The following SPAG16 variants were observed in gnomAD, a reference collection of about 807,000 sequenced individuals.
SPAG16 encodes the protein sperm-associated antigen 16 protein.
In SPAG16, 86 loss-of-function variants were observed where a neutral mutation model predicts 80.4. That is an observed-to-expected ratio of 1.07 (90% CI 0.90 to 1.28). The LOEUF (loss-of-function observed/expected upper bound fraction) is 1.28. SPAG16 is among the 50% of genes most tolerant of loss of function. SPAG16 has a pLI of 0.00. For synonymous variants in SPAG16, 294 were observed against 265.9 expected (o/e 1.11, Z -1.03); for missense variants, 870 against 765.3 (o/e 1.14, Z -1.61).
intron 10 of SPAG16, among the ~76,000 whole-genome samples, chr2:213,588,727 G>A (rs1290312308): frequency 2.0e-4 from 28 of 141,682 alleles, no homozygotes; most frequent in Non-Finnish European, 3.2e-4. Flanking sequence ...GCGTGAACCC[G>A]GGAAGCAGAG....
intron 10 of SPAG16, among the ~76,000 whole-genome samples, chr2:213,516,356 T>C (rs1575808936): frequency 6.6e-6 from 1 of 152,144 alleles, no homozygotes; most frequent in East Asian, 1.9e-4. Flanking sequence ...TACTAACATC[T>C]GATAACAAAA....
chr2:213,993,581 G>A (rs952247644), intron 12 of SPAG16, among the ~76,000 whole-genome samples: 1 of 152,042 alleles, frequency 6.6e-6, no homozygotes, highest in Non-Finnish European at 1.5e-5. Flanking sequence ...CAACTTTAAG[G>A]GGAAGAAATA....
At chr2:213,695,229 A>G (rs2065109461) in intron 10 of SPAG16, among the ~76,000 whole-genome samples, 1 of 152,146 alleles carries the variant, frequency 6.6e-6, no homozygotes, top group Non-Finnish European at 1.5e-5. Flanking sequence ...CTCCGACTGC[A>G]ACTTTTTCTT....
chr2:213,618,800 C>T (rs1027461387), intron 10 of SPAG16, among the ~76,000 whole-genome samples: 4 of 151,676 alleles, frequency 2.6e-5, no homozygotes, highest in African/African-American at 9.7e-5. Context: ...CCTTAAAACA[C>T]TCCATGATTT....
intron 3 of SPAG16, 88 bp from the exon 4 acceptor site, chr2:213,309,970 TG>T: frequency 1.3e-6 from 1 of 765,298 alleles, no homozygotes; most frequent in Non-Finnish European, 2.1e-6. Flanking sequence ...AAAAAATGAA[TG>T]GATGAATGAA....
At chr2:214,259,855 G>C (rs911658427) in intron 15 of SPAG16, among the ~76,000 whole-genome samples, 1 of 152,136 alleles carries the variant, frequency 6.6e-6, no homozygotes, top group African/African-American at 2.4e-5. Flanking sequence ...TCTACATAGA[G>C]AGCCAGATCA....
intron 10 of SPAG16, among the ~76,000 whole-genome samples, chr2:213,813,422 C>T (rs2072302757): frequency 6.6e-6 from 1 of 152,168 alleles, no homozygotes; most frequent in African/African-American, 2.4e-5. Flanking sequence ...CAGATTTCCA[C>T]CATGTGCTCA....
At chr2:214,257,741 A>C (rs1458783203) in intron 15 of SPAG16, among the ~76,000 whole-genome samples, 1 of 152,138 alleles carries the variant, frequency 6.6e-6, no homozygotes, top group African/African-American at 2.4e-5. Flanking sequence ...TAATTTAACA[A>C]TAATATTTTC....
intron 15 of SPAG16, among the ~76,000 whole-genome samples, chr2:214,320,797 G>A (rs969250601): frequency 1.1e-4 from 16 of 152,174 alleles, no homozygotes; most frequent in African/African-American, 3.9e-4. Context: ...AGATTATGTG[G>A]ATGACAATTC....
intron 10 of SPAG16, among the ~76,000 whole-genome samples, chr2:213,761,549 AC>A (rs2068656478): frequency 6.6e-6 from 1 of 152,192 alleles, no homozygotes; most frequent in Admixed American, 6.5e-5. Flanking sequence ...GATTCAAGTA[AC>A]AAAGTCAGAA....
intron 10 of SPAG16, among the ~76,000 whole-genome samples, chr2:213,534,410 A>T (rs779651791): frequency 1.4e-4 from 21 of 152,158 alleles, no homozygotes; most frequent in Non-Finnish European, 2.8e-4. Flanking sequence ...AATTGAAAAC[A>T]TATGCCCACA....
At chr2:213,703,340 C>T (rs1041333090) in intron 10 of SPAG16, among the ~76,000 whole-genome samples, 4 of 152,292 alleles carry the variant, frequency 2.6e-5, no homozygotes, top group Non-Finnish European at 5.9e-5. Context: ...TTTCCTTTTT[C>T]ATGTTCTCAC....
chr2:213,461,199 A>G (rs1173939803), intron 9 of SPAG16, among the ~76,000 whole-genome samples: 3 of 152,172 alleles, frequency 2.0e-5, no homozygotes, highest in African/African-American at 7.2e-5. Context: ...GGACTATGCA[A>G]TGACACAATT....
chr2:214,258,247 C>G lies in SPAG16; in HGVS notation c.1720+108981C>G, dbSNP rs1457239970. On this transcript the variant is annotated intron_variant, in intron 15 of 15. Coordinates refer to ENST00000331683, the MANE Select transcript of SPAG16 (RefSeq NM_024532.5). ...AGTCTTTTATTCCTCACCCCCCTCC[C>G]ACTCTTCTTCCCGAGTCCCCAAATT... Among the ~76,000 whole-genome samples the G allele has an allele frequency of 3.3e-5, 5 of 151,658 alleles. No individual in the cohort carries two copies. The South Asian group carries it at 1.0e-3, about 31-fold the overall frequency.
intron 10 of SPAG16, among the ~76,000 whole-genome samples, chr2:213,665,677 T>G (rs947996629): frequency 6.6e-6 from 1 of 152,184 alleles, no homozygotes; most frequent in African/African-American, 2.4e-5. Context: ...AACCTTGTTT[T>G]ATGTGTGTTT....
chr2:213,580,742 G>A (rs1334756147), intron 10 of SPAG16, among the ~76,000 whole-genome samples: 2 of 151,968 alleles, frequency 1.3e-5, no homozygotes, highest in Non-Finnish European at 2.9e-5. Flanking sequence ...ATGAGTATAT[G>A]GATGATATAT....
chr2:213,599,979 C>T (rs761484008), intron 10 of SPAG16, among the ~76,000 whole-genome samples: 1 of 152,178 alleles, frequency 6.6e-6, no homozygotes, highest in African/African-American at 2.4e-5. Flanking sequence ...AGCCGCTGCG[C>T]CTGGCCTATT....
chr2:214,069,595 G>A (rs1211385152), intron 13 of SPAG16, among the ~76,000 whole-genome samples: 2 of 152,048 alleles, frequency 1.3e-5, no homozygotes, highest in Admixed American at 1.3e-4. Flanking sequence ...CCTCATTCCA[G>A]TGCCAACCTA....
intron 10 of SPAG16, among the ~76,000 whole-genome samples, chr2:213,566,883 A>T (rs1373442722): frequency 6.6e-6 from 1 of 152,234 alleles, no homozygotes; most frequent in East Asian, 1.9e-4. Context: ...AGATTGTGAC[A>T]CCAAATATAA....
Sources: allele counts gnomAD v4.1 joint callset (sites outside exome capture counted in the v4.1 genomes callset), GRCh38; gene constraint gnomAD v4.1.1; transcripts MANE v1.5; gene names NCBI Gene and HGNC (gene_info 2026-07-23, HGNC 2026-07-21).